The following CPS1 variants were observed in gnomAD, a reference collection of about 807,000 sequenced individuals.
The protein encoded by CPS1 is carbamoyl-phosphate synthase 1, also known as carbamoyl-phosphate synthase [ammonia], mitochondrial.
CPS1 carries 109 observed loss-of-function variants against 174.6 expected under a neutral mutation model. That is an observed-to-expected ratio of 0.62 (90% CI 0.53 to 0.73). The LOEUF (loss-of-function observed/expected upper bound fraction) is 0.73, where lower values mean the gene tolerates loss of function less well. CPS1 is among the 30% of genes least tolerant of loss of function. CPS1 has a pLI of 0.00. For synonymous variants in CPS1, 637 were observed against 632.0 expected, an observed-to-expected ratio of 1.01 and a Z score of -0.12; for missense variants, 1,689 against 1,821.9, an observed-to-expected ratio of 0.93 and a Z score of 1.33.
At chr2:210,564,938 T>C (rs1429013825) in intron 1 of CPS1, among the ~76,000 whole-genome samples, 1 of 151,922 alleles carries the variant, frequency 6.6e-6, no homozygotes, top group African/African-American at 2.4e-5. Context: ...GAGGTTGCAG[T>C]GAGCCAAGAT....
chr2:210,543,606 T>A (rs539318475), intron 1 of CPS1, among the ~76,000 whole-genome samples: 2 of 152,234 alleles, frequency 1.3e-5, no homozygotes, highest in African/African-American at 4.8e-5. Context: ...GCCTACTTTA[T>A]TCCTGCAGAG....
chr2:210,583,923 G>A (rs1698012296), intron 6 of CPS1, among the ~76,000 whole-genome samples: 2 of 152,048 alleles, frequency 1.3e-5, no homozygotes, highest in Admixed American at 6.6e-5. Context: ...GAACAGATAC[G>A]GCAACCTAGG....
At chr2:210,672,417 T>G (rs915189547) in intron 34 of CPS1, 1 of 152,160 alleles carries the variant, frequency 6.6e-6, no homozygotes, top group African/African-American at 2.4e-5. Context: ...TAGCAGAGGG[T>G]CACAATGTAA....
chr2:210,492,651 A>G (rs1302742588), intron 1 of CPS1, among the ~76,000 whole-genome samples: 1 of 152,038 alleles, frequency 6.6e-6, no homozygotes, highest in Non-Finnish European at 1.5e-5. Context: ...ATGTAGTAAG[A>G]GTGCACAAAA....
At chr2:210,611,545 G>A (rs1435518805) in intron 19 of CPS1, among the ~76,000 whole-genome samples, 1 of 149,130 alleles carries the variant, frequency 6.7e-6, no homozygotes, top group African/African-American at 2.4e-5. Context: ...AAGACACATT[G>A]AATTTGTCAC....
At chr2:210,514,191 G>A (rs1031427437) in intron 1 of CPS1, among the ~76,000 whole-genome samples, 6 of 151,576 alleles carry the variant, frequency 4.0e-5, no homozygotes, top group African/African-American at 1.5e-4. Flanking sequence ...CATATGAATT[G>A]TAGAATAGTT....
upstream of CPS1, chr2:210,556,465 G>A: frequency 4.8e-6 from 4 of 832,540 alleles, no homozygotes; most frequent in South Asian, 5.7e-5. Flanking sequence ...TTTAGCAGGA[G>A]AAGGTAGTAT....
intron 20 of CPS1, 97 bp from the exon 21 acceptor site, chr2:210,616,326 A>C (rs922708779): frequency 1.2e-6 from 1 of 835,622 alleles, no homozygotes; most frequent in Non-Finnish European, 2.1e-6. Context: ...CGGGCTCTCT[A>C]AATAACACAC....
At chr2:210,675,016 C>G in intron 35 of CPS1, 55 bp downstream of exon 35, 1 of 1,335,254 alleles carries the variant, frequency 7.5e-7, no homozygotes, top group South Asian at 1.2e-5. Flanking sequence ...GTCCACAAAT[C>G]AAAATATTGC....
chr2:210,632,811 T>C (rs1699909099), intron 21 of CPS1, among the ~76,000 whole-genome samples: 1 of 152,224 alleles, frequency 6.6e-6, no homozygotes, highest in East Asian at 1.9e-4. Context: ...ACTTTGGACA[T>C]CCAATGATCA....
intron 1 of CPS1, among the ~76,000 whole-genome samples, chr2:210,504,928 T>C (rs1695237511): frequency 6.6e-6 from 1 of 152,064 alleles, no homozygotes; most frequent in Non-Finnish European, 1.5e-5. Context: ...ACTTTTTTTT[T>C]CTGACTCACT....
At chr2:210,677,225 T>C (rs1701564875) in intron 37 of CPS1, 89 bp downstream of exon 37, 2 of 1,268,962 alleles carry the variant, frequency 1.6e-6, no homozygotes, top group Admixed American at 3.5e-5. Flanking sequence ...ACATCTCTCT[T>C]TTCCCCTCTT....
intron 21 of CPS1, among the ~76,000 whole-genome samples, chr2:210,630,927 A>G (rs892501746): frequency 3.2e-4 from 48 of 152,252 alleles, no homozygotes; most frequent in African/African-American, 7.9e-4. Context: ...GTGAGGGTTC[A>G]TGAGTCAGAG....
At chr2:210,516,262 G>A (rs901121036) in intron 1 of CPS1, among the ~76,000 whole-genome samples, 5 of 151,722 alleles carry the variant, frequency 3.3e-5, no homozygotes, top group Admixed American at 2.6e-4. Context: ...TTAGTTTTCT[G>A]CCTCAATGAT....
Position 210,577,348 on chromosome 2 carries a change from A to G in CPS1, c.382-73A>G, listed in dbSNP as rs1337675109. ...GTGGATATCATAAAACTTAAAAACA[A>G]ATGCAAATTGACTCACAAGAGTTGG... On this transcript the variant is annotated intron_variant, in intron 3 of 37. Transcript: ENST00000233072. 11 of 1,216,534 alleles carry G rather than the reference A, an allele frequency of 9.0e-6. No individual in the cohort carries two copies. In the South Asian group the frequency reaches 1.2e-4, roughly 13 times the overall value. The allele number at this position is 1,216,534 out of a possible 1,614,324, so 75.4% of individuals were successfully genotyped here.
chr2:210,493,418 C>T (rs528167620), intron 1 of CPS1, among the ~76,000 whole-genome samples: 3 of 152,346 alleles, frequency 2.0e-5, no homozygotes, highest in African/African-American at 4.8e-5. Context: ...ATCCTTTCTG[C>T]ATCATCTTCC....
intron 1 of CPS1, among the ~76,000 whole-genome samples, chr2:210,559,510 G>A (rs754020637): frequency 6.6e-6 from 1 of 152,254 alleles, no homozygotes; most frequent in East Asian, 1.9e-4. Flanking sequence ...AAAGAGGAAA[G>A]AATTTCAAGG....
intron 1 of CPS1, among the ~76,000 whole-genome samples, chr2:210,536,098 G>A (rs1376109230): frequency 1.3e-5 from 2 of 152,060 alleles, no homozygotes; most frequent in African/African-American, 2.4e-5. Flanking sequence ...TCCAATGCAA[G>A]TCTATTTCAG....
At position 210,531,890 on chromosome 2, in the gene CPS1, G is replaced by A. The variant is rs541904903; in HGVS notation, c.4-24829G>A. Among the ~76,000 whole-genome samples, 3 of 152,142 alleles carry A rather than the reference G, an allele frequency of 2.0e-5. No individual in the cohort carries two copies. In the East Asian group the frequency reaches 5.8e-4, roughly 29 times the overall value. The stretch of plus-strand genomic sequence containing the variant: ...TTGTGAGGTGAACACCTTGAATACA[G>A]TTTTTTTCTATTATTTGTTGGGAAA... On this transcript the variant is annotated intron_variant, in intron 1 of 38. Coordinates refer to the CPS1 transcript ENST00000430249.
Sources: gnomAD v4.1 joint callset for allele counts (sites outside exome capture counted in the v4.1 genomes callset) on GRCh38, gnomAD v4.1.1 for gene constraint, MANE v1.5 for transcripts, NCBI Gene and HGNC (gene_info 2026-07-23, HGNC 2026-07-21) for gene names.